RANBP2: variants seen among roughly 807,000 people sequenced by gnomAD.
RANBP2 encodes the protein E3 SUMO-protein ligase RanBP2.
In RANBP2, 57 loss-of-function variants were observed where a neutral mutation model predicts 303.6. That is an observed-to-expected ratio of 0.19 (90% CI 0.15 to 0.23). The LOEUF is 0.23. RANBP2 is among the 10% of genes least tolerant of loss of function. The pLI is 1.00. For synonymous variants in RANBP2, 1,167 were observed against 1,301.5 expected, an observed-to-expected ratio of 0.90 and a Z score of 2.23; for missense variants, 3,138 against 3,780.8, an observed-to-expected ratio of 0.83 and a Z score of 4.46.
the RANBP2 span, among the ~76,000 whole-genome samples, chr2:109,622,355 G>A: frequency 6.6e-6 from 1 of 152,196 alleles, no homozygotes; most frequent in African/African-American, 2.4e-5. Flanking sequence ...ACAGTCAACT[G>A]GCCTGAAGTT....
chr2:109,344,141 C>T, the RANBP2 span, among the ~76,000 whole-genome samples: 5 of 152,178 alleles, frequency 3.3e-5, no homozygotes, highest in African/African-American at 1.2e-4. Context: ...ATAGAGGGGA[C>T]CTGCTACGCA....
chr2:109,211,777 C>A, the RANBP2 span, among the ~76,000 whole-genome samples: 1 of 151,984 alleles, frequency 6.6e-6, no homozygotes. Context: ...CCCTGAGTAG[C>A]TGGGATTACA....
At chr2:108,820,237 G>A in the RANBP2 span, among the ~76,000 whole-genome samples, 1 of 151,962 alleles carries the variant, frequency 6.6e-6, no homozygotes, top group Non-Finnish European at 1.5e-5. Flanking sequence ...GTGCGACCCC[G>A]TGCCTACAAA....
the RANBP2 span, among the ~76,000 whole-genome samples, chr2:109,114,178 T>C: frequency 1.4e-4 from 21 of 152,318 alleles, no homozygotes; most frequent in African/African-American, 5.1e-4. Context: ...TTCCCTCTTT[T>C]TCTATTGATT....
the RANBP2 span, among the ~76,000 whole-genome samples, chr2:109,467,070 C>T: frequency 7.8e-3 from 1,195 of 152,340 alleles, 21 homozygotes; most frequent in African/African-American, 0.026. Context: ...AATGGCACAA[C>T]TACTTGGGAA....
the RANBP2 span, chr2:109,567,789 G>A: frequency 6.5e-7 from 1 of 1,540,844 alleles, no homozygotes; most frequent in African/African-American, 1.4e-5. Context: ...ATGGAAAACA[G>A]AATTAACATT....
chr2:109,002,699 T>A, the RANBP2 span, among the ~76,000 whole-genome samples: 1 of 152,192 alleles, frequency 6.6e-6, no homozygotes, highest in African/African-American at 2.4e-5. Flanking sequence ...GTTCTAAAGC[T>A]AGACCTGCCA....
the RANBP2 span, among the ~76,000 whole-genome samples, chr2:108,881,133 T>C: frequency 1.6e-4 from 24 of 152,258 alleles, no homozygotes; most frequent in Non-Finnish European, 2.4e-4. Context: ...CTGTTTCATC[T>C]ACATTGAAAA....
At position 108,742,143 on chromosome 2, in the gene RANBP2, T is replaced by C. The variant is rs779272818; in HGVS notation, c.975+1462T>C. On this transcript the variant is annotated intron_variant, in intron 7 of 28. Coordinates refer to ENST00000283195, the MANE Select transcript of RANBP2 (RefSeq NM_006267.5). The stretch of plus-strand genomic sequence containing the variant: ...TCCCGAGTAGCTGGGATTACAGGCA[T>C]GCGCCACCACGCCCGTCTAATTTTG... Among the ~76,000 whole-genome samples, 23 of 149,626 alleles carry C rather than the reference T, an allele frequency of 1.5e-4. No homozygotes were observed. The East Asian group carries it at 3.4e-3, about 22-fold the overall frequency.
the RANBP2 span, among the ~76,000 whole-genome samples, chr2:109,307,496 A>C: frequency 6.7e-6 from 1 of 149,682 alleles, no homozygotes; most frequent in Non-Finnish European, 1.5e-5. Flanking sequence ...ATATGTATAC[A>C]TGTGCCATGC....
the RANBP2 span, among the ~76,000 whole-genome samples, chr2:109,152,491 C>T: frequency 1.3e-5 from 2 of 152,242 alleles, no homozygotes; most frequent in Non-Finnish European, 2.9e-5. Flanking sequence ...AGTGGCATTA[C>T]AGCATTCAGA....
At chr2:108,929,689 T>G in the RANBP2 span, among the ~76,000 whole-genome samples, 1 of 152,130 alleles carries the variant, frequency 6.6e-6, no homozygotes, top group African/African-American at 2.4e-5. Flanking sequence ...TTCCTCAGCT[T>G]GCTACAAGAA....
chr2:108,923,480 G>C, the RANBP2 span: 401 of 1,606,302 alleles, frequency 2.5e-4, 4 homozygotes, highest in African/African-American at 4.1e-3. Flanking sequence ...AGACAAAACA[G>C]AGACAGGTGA....
the RANBP2 span, chr2:108,929,132 GCCCGTAGCC>G: frequency 6.3e-7 from 1 of 1,584,496 alleles, no homozygotes; most frequent in Non-Finnish European, 8.6e-7. Flanking sequence ...CAAGGTCCTT[GCCCGTAGCC>G]CCTCGGGGTT....
the RANBP2 span, among the ~76,000 whole-genome samples, chr2:108,936,352 G>A: frequency 3.9e-5 from 6 of 152,230 alleles, no homozygotes; most frequent in South Asian, 4.1e-4. Flanking sequence ...TGGGTTGACC[G>A]CATCACGGAC....
chr2:108,948,015 T>C, the RANBP2 span, among the ~76,000 whole-genome samples: 1 of 152,170 alleles, frequency 6.6e-6, no homozygotes, highest in South Asian at 2.1e-4. Flanking sequence ...TTTCTGTGAA[T>C]GCACATGACT....
the RANBP2 span, among the ~76,000 whole-genome samples, chr2:109,208,766 A>G: frequency 6.6e-6 from 1 of 152,252 alleles, no homozygotes; most frequent in South Asian, 2.1e-4. Flanking sequence ...AGTGAGGTCA[A>G]GGGAATCTTG....
chr2:108,935,629 G>A, the RANBP2 span, among the ~76,000 whole-genome samples: 285 of 152,170 alleles, frequency 1.9e-3, 3 homozygotes, highest in Admixed American at 0.015. Context: ...AACAAATGCC[G>A]TCATTAGCAC....
At chr2:109,343,663 TG>T in the RANBP2 span, among the ~76,000 whole-genome samples, 5 of 151,976 alleles carry the variant, frequency 3.3e-5, 2 homozygotes, top group Middle Eastern at 0.01. Flanking sequence ...GGCCAGCAGG[TG>T]GGTTACCACC....
Sources: gnomAD v4.1 joint callset for allele counts (sites outside exome capture counted in the v4.1 genomes callset) on GRCh38, gnomAD v4.1.1 for gene constraint, MANE v1.5 for transcripts, NCBI Gene and HGNC (gene_info 2026-07-23, HGNC 2026-07-21) for gene names.